Variants in ENPP3 observed in about 807,000 individuals in gnomAD.
ENPP3 encodes ectonucleotide pyrophosphatase/phosphodiesterase family member 3.
Under a neutral mutation model 117.8 loss-of-function variants are expected in ENPP3, and 104 were observed. The observed-to-expected ratio is 0.88, with a 90% CI of 0.75 to 1.04. The LOEUF is 1.04. Ranked by LOEUF, ENPP3 falls within the 50% of genes least tolerant of loss-of-function variation. The pLI, the probability that ENPP3 is intolerant of heterozygous loss-of-function variation, is 0.00. For missense variants in ENPP3, 1,026 were observed against 1,051.9 expected, an observed-to-expected ratio of 0.98 and a Z score of 0.34; for synonymous variants, 380 against 349.9, an observed-to-expected ratio of 1.09 and a Z score of -0.96.
intron 21 of ENPP3, among the ~76,000 whole-genome samples, chr6:131,736,762 A>G (rs1319092858): frequency 6.6e-6 from 1 of 152,186 alleles, no homozygotes; most frequent in Non-Finnish European, 1.5e-5. Context: ...GGCTGCTGGA[A>G]CAAATTACCA....
intron 14 of ENPP3, among the ~76,000 whole-genome samples, chr6:131,688,710 A>G (rs1013273375): frequency 6.6e-6 from 1 of 152,096 alleles, no homozygotes; most frequent in East Asian, 1.9e-4. Flanking sequence ...AGGAAGTTGC[A>G]GAAGAAAAGT....
intron 14 of ENPP3, among the ~76,000 whole-genome samples, chr6:131,688,937 G>A (rs1055356514): frequency 6.6e-5 from 10 of 151,554 alleles, no homozygotes; most frequent in Non-Finnish European, 1.2e-4. Flanking sequence ...GTGGTTTTGG[G>A]CACCTGTTAT....
intron 19 of ENPP3, among the ~76,000 whole-genome samples, chr6:131,725,573 C>T (rs890508432): frequency 6.6e-5 from 10 of 152,206 alleles, no homozygotes; most frequent in African/African-American, 1.9e-4. Flanking sequence ...TCAATGTATA[C>T]GTTTTAGAGA....
At chr6:131,638,318 A>C in intron 1 of ENPP3, 1 of 230,766 alleles carries the variant, frequency 4.3e-6, no homozygotes, top group Non-Finnish European at 8.8e-6. Flanking sequence ...CCTTATCTGC[A>C]TTCTTAGCCA....
chr6:131,678,965 C>G (rs1159903057), intron 11 of ENPP3, among the ~76,000 whole-genome samples: 2 of 96,386 alleles, frequency 2.1e-5, no homozygotes, highest in African/African-American at 1.5e-4. Flanking sequence ...TTCTTTCCTT[C>G]CTTCCTTCCT....
intron 12 of ENPP3, among the ~76,000 whole-genome samples, chr6:131,684,793 C>CT (rs991073914): frequency 2.6e-5 from 4 of 151,298 alleles, no homozygotes; most frequent in East Asian, 1.9e-4. Flanking sequence ...TTACTTTATA[C>CT]TTTTTTTTTG....
chr6:131,696,124 T>G (rs1312687448), intron 15 of ENPP3, among the ~76,000 whole-genome samples: 3 of 152,202 alleles, frequency 2.0e-5, no homozygotes, highest in Non-Finnish European at 2.9e-5. Context: ...ATCATCTTTA[T>G]TTTACCTAAA....
chr6:131,652,714 A>G, intron 4 of ENPP3, 47 bp downstream of exon 4: 1 of 1,611,448 alleles, frequency 6.2e-7, no homozygotes, highest in Non-Finnish European at 8.5e-7. Context: ...GTTTAGAGGA[A>G]CTCCATGAGT....
At chr6:131,732,594 G>A (rs1780304683) in intron 20 of ENPP3, among the ~76,000 whole-genome samples, 1 of 151,536 alleles carries the variant, frequency 6.6e-6, no homozygotes. Context: ...TGTATTTTTA[G>A]TAGAGATGGG....
At position 131,720,294 on chromosome 6, in the gene ENPP3, T is replaced by C; in HGVS notation, c.1482T>C (p.Ala494=). ...GYNNEFRSME[A]IFLAHGPSFK... ...ATAATCTGACTATTATGACCTAGGC[T>C]ATCTTTCTGGCACATGGACCCAGTT... is the stretch of plus-strand genomic sequence containing the variant. The change falls in exon 17 of 25, where the codon GCT becomes GCC. Residue 494 remains alanine, a splice_region_variant and synonymous_variant. Transcript: ENST00000357639. 6.4e-7 allele frequency: 1 copy of C among 1,573,716 alleles called. No homozygotes were observed. The highest frequency in any genetic ancestry group is 8.7e-7 in the Non-Finnish European group (1 of 1,152,244).
intron 11 of ENPP3, among the ~76,000 whole-genome samples, chr6:131,681,293 C>T (rs1232754585): frequency 1.3e-5 from 2 of 152,144 alleles, no homozygotes; most frequent in Non-Finnish European, 2.9e-5. Context: ...CCTCAAGTTT[C>T]CTGACCTTTA....
chr6:131,742,554 A>T (rs547735122), intron 24 of ENPP3, among the ~76,000 whole-genome samples: 1 of 152,260 alleles, frequency 6.6e-6, no homozygotes, highest in East Asian at 1.9e-4. Flanking sequence ...AATTTAGTTT[A>T]TATTTTGTCA....
At chr6:131,658,646 T>C (rs1778436143) in intron 6 of ENPP3, among the ~76,000 whole-genome samples, 1 of 152,216 alleles carries the variant, frequency 6.6e-6, no homozygotes, top group African/African-American at 2.4e-5. Flanking sequence ...TGTTTGTTTA[T>C]TTTGATTTGC....
At chr6:131,657,837 A>G (rs1446038705) in intron 5 of ENPP3, among the ~76,000 whole-genome samples, 1 of 152,102 alleles carries the variant, frequency 6.6e-6, no homozygotes, top group Non-Finnish European at 1.5e-5. Context: ...TTATCAAACT[A>G]TGCTTCTGTG....
At chr6:131,729,580 C>T (rs1367333565) in intron 20 of ENPP3, among the ~76,000 whole-genome samples, 6 of 152,118 alleles carry the variant, frequency 3.9e-5, no homozygotes, top group Non-Finnish European at 5.9e-5. Flanking sequence ...CTTTCTATTC[C>T]GTTGCTTCAA....
At chr6:131,652,382 T>C (rs1416119045) in intron 3 of ENPP3, among the ~76,000 whole-genome samples, 160 bp from the exon 4 acceptor site, 1 of 152,230 alleles carries the variant, frequency 6.6e-6, no homozygotes. Context: ...TGAAGAAAAG[T>C]GGTGGTTTGC....
chr6:131,715,815 TG>T (rs1779876934), intron 15 of ENPP3, among the ~76,000 whole-genome samples: 1 of 152,046 alleles, frequency 6.6e-6, no homozygotes, highest in South Asian at 2.1e-4. Flanking sequence ...TGCTTATTGT[TG>T]GGGGACCTGT....
intron 6 of ENPP3, among the ~76,000 whole-genome samples, chr6:131,658,699 T>C (rs1014676539): frequency 6.6e-6 from 1 of 152,218 alleles, no homozygotes; most frequent in Admixed American, 6.5e-5. Flanking sequence ...AATCTATTCA[T>C]GTGTACTGCC....
At chr6:131,744,975 A>G (rs1780604435) in intron 24 of ENPP3, among the ~76,000 whole-genome samples, 1 of 152,164 alleles carries the variant, frequency 6.6e-6, no homozygotes, top group African/African-American at 2.4e-5. Flanking sequence ...ACTCAGGTTA[A>G]ATAGCTGAAG....
Sources: allele counts gnomAD v4.1 joint callset (sites outside exome capture counted in the v4.1 genomes callset), GRCh38; gene constraint gnomAD v4.1.1; transcripts MANE v1.5; gene names NCBI Gene and HGNC (gene_info 2026-07-23, HGNC 2026-07-21).